The following PTPRD variants were observed in gnomAD, a reference collection of about 807,000 sequenced individuals.
PTPRD encodes the protein protein tyrosine phosphatase receptor type D, also known as receptor-type tyrosine-protein phosphatase delta.
A neutral mutation model predicts 214.5 loss-of-function variants in PTPRD; 34 were observed. The observed-to-expected ratio is 0.16, with a 90% CI of 0.12 to 0.21. The LOEUF (loss-of-function observed/expected upper bound fraction) is 0.21. Ranked by LOEUF, PTPRD falls within the 10% of genes least tolerant of loss-of-function variation. The pLI is 1.00. For synonymous variants in PTPRD, 1,128 were observed against 845.7 expected (o/e 1.33, Z -5.79); for missense variants, 2,545 against 2,398.7 (o/e 1.06, Z -1.27).
chr9:10,005,065 C>T (rs754658197), intron 4 of PTPRD, among the ~76,000 whole-genome samples: 1 of 152,034 alleles, frequency 6.6e-6, no homozygotes, highest in Non-Finnish European at 1.5e-5. Flanking sequence ...AAAATAAATG[C>T]CTAAGTGTAA....
At chr9:9,158,515 GC>G (rs1196077740) in intron 10 of PTPRD, among the ~76,000 whole-genome samples, 1 of 152,090 alleles carries the variant, frequency 6.6e-6, no homozygotes, top group Non-Finnish European at 1.5e-5. Context: ...CGGGAGAATT[GC>G]TTGAACCCGG....
intron 5 of PTPRD, among the ~76,000 whole-genome samples, chr9:9,790,275 A>C (rs2098958176): frequency 6.6e-6 from 1 of 152,186 alleles, no homozygotes; most frequent in Non-Finnish European, 1.5e-5. Flanking sequence ...AAATATGGCA[A>C]AGAATTTTAT....
intron 3 of PTPRD, among the ~76,000 whole-genome samples, chr9:10,247,927 T>C (rs2092347965): frequency 6.6e-6 from 1 of 152,112 alleles, no homozygotes; most frequent in Admixed American, 6.6e-5. Context: ...AGGGACCCAG[T>C]GATAGACGAT....
intron 8 of PTPRD, among the ~76,000 whole-genome samples, chr9:9,440,165 A>C (rs1266051245): frequency 6.6e-6 from 1 of 152,232 alleles, no homozygotes; most frequent in Admixed American, 6.5e-5. Flanking sequence ...AATCTCATGG[A>C]GGATAGAAGT....
chr9:8,494,746 T>C (rs540504516), intron 26 of PTPRD, among the ~76,000 whole-genome samples: 16 of 152,220 alleles, frequency 1.1e-4, no homozygotes, highest in Non-Finnish European at 2.2e-4. Context: ...TAACGCAATT[T>C]GAAATGCGTC....
intron 2 of PTPRD, among the ~76,000 whole-genome samples, chr9:10,572,284 G>A (rs964233502): frequency 7.2e-5 from 11 of 152,136 alleles, no homozygotes; most frequent in South Asian, 2.1e-4. Context: ...AATGATAATC[G>A]GGCCAGTATA....
intron 7 of PTPRD, among the ~76,000 whole-genome samples, chr9:9,674,581 G>A (rs1230205757): frequency 1.3e-5 from 2 of 151,484 alleles, no homozygotes; most frequent in Non-Finnish European, 3.0e-5. Context: ...TATACTATAA[G>A]AAAAGAGAAA....
chr9:10,530,874 G>T (rs1235783659), intron 2 of PTPRD, among the ~76,000 whole-genome samples: 1 of 151,942 alleles, frequency 6.6e-6, no homozygotes. Flanking sequence ...AAATGTAGAA[G>T]ATATTAGAAA....
intron 2 of PTPRD, among the ~76,000 whole-genome samples, chr9:10,501,742 T>C (rs994208291): frequency 6.6e-6 from 1 of 151,946 alleles, no homozygotes; most frequent in Non-Finnish European, 1.5e-5. Flanking sequence ...ATTAATAGAG[T>C]GGGACTTTAA....
intron 3 of PTPRD, among the ~76,000 whole-genome samples, chr9:10,138,831 T>A (rs1455843631): frequency 2.0e-5 from 3 of 152,070 alleles, no homozygotes; most frequent in African/African-American, 7.2e-5. Flanking sequence ...AGAAAAAGCT[T>A]TTGATAAAAT....
rs141911093 is a variant in PTPRD, at chr9:9,731,580, G to C, written c.-287+2953C>G. ...ACCCATTAACTCGTCATTTACATTA[G>C]GTATATCTCCTAATGCTATCCTTCC... On this transcript the variant is annotated intron_variant, in intron 7 of 45. Coordinates refer to ENST00000381196, the MANE Select transcript of PTPRD (RefSeq NM_002839.4). Among the ~76,000 whole-genome samples the C allele has an allele frequency of 6.0e-3, 911 of 151,938 alleles. 6 individuals carry two copies. Among genetic ancestry groups the C allele is most frequent in the African/African-American group, 0.021 (873 of 41,404 alleles).
At chr9:8,916,531 G>A (rs1424316972) in intron 11 of PTPRD, among the ~76,000 whole-genome samples, 1 of 152,172 alleles carries the variant, frequency 6.6e-6, no homozygotes, top group Non-Finnish European at 1.5e-5. Flanking sequence ...TGGAGGTAGT[G>A]TGTAGAGAGG....
intron 4 of PTPRD, among the ~76,000 whole-genome samples, chr9:10,008,935 C>A (rs140922292): frequency 0.028 from 4,312 of 151,782 alleles, 120 homozygotes; most frequent in Admixed American, 0.088. Flanking sequence ...AATTAATAAT[C>A]AATATTAGTT....
chr9:10,506,124 A>G (rs1331781948), intron 2 of PTPRD, among the ~76,000 whole-genome samples: 1 of 152,166 alleles, frequency 6.6e-6, no homozygotes, highest in Non-Finnish European at 1.5e-5. Flanking sequence ...ATTTCATAGA[A>G]GAATGTAAAG....
At chr9:9,786,773 A>T (rs528893770) in intron 5 of PTPRD, among the ~76,000 whole-genome samples, 19 of 149,494 alleles carry the variant, frequency 1.3e-4, no homozygotes, top group African/African-American at 4.4e-4. Flanking sequence ...AAAGTATAAT[A>T]AAAAAAAATC....
At chr9:9,577,962 C>G (rs2089487786) in intron 7 of PTPRD, among the ~76,000 whole-genome samples, 1 of 132,726 alleles carries the variant, frequency 7.5e-6, no homozygotes, top group African/African-American at 2.8e-5. Context: ...CAGAGAATAG[C>G]TTGAACCCAG....
chr9:10,016,172 T>C (rs1046672492), intron 4 of PTPRD, among the ~76,000 whole-genome samples: 5 of 152,194 alleles, frequency 3.3e-5, no homozygotes, highest in African/African-American at 9.7e-5. Context: ...TTTGTATATG[T>C]ACATTTGTTA....
intron 5 of PTPRD, among the ~76,000 whole-genome samples, chr9:9,931,954 C>G (rs1431158954): frequency 1.3e-4 from 19 of 151,790 alleles, no homozygotes; most frequent in South Asian, 4.2e-4. Context: ...GAGGCACCCC[C>G]CAGCAGGGGC....
At chr9:9,796,527 G>T (rs1006719307) in intron 5 of PTPRD, among the ~76,000 whole-genome samples, 15 of 152,122 alleles carry the variant, frequency 9.9e-5, no homozygotes, top group African/African-American at 3.1e-4. Context: ...GAAAGTAGAT[G>T]AGAATTCTCA....
Sources: allele counts gnomAD v4.1 joint callset (sites outside exome capture counted in the v4.1 genomes callset), GRCh38; gene constraint gnomAD v4.1.1; transcripts MANE v1.5; gene names NCBI Gene and HGNC (gene_info 2026-07-23, HGNC 2026-07-21).